Variants in HFM1 observed in about 807,000 individuals in gnomAD.
The protein encoded by HFM1 is probable ATP-dependent DNA helicase HFM1.
Under a neutral mutation model 192.1 loss-of-function variants are expected in HFM1, and 169 were observed. That is an observed-to-expected ratio of 0.88 (90% CI 0.78 to 1.00). The LOEUF (loss-of-function observed/expected upper bound fraction) is 1.00, where lower values mean the gene tolerates loss of function less well. Among genes scored for constraint, HFM1 ranks in the 50% least tolerant of loss-of-function variants. The probability of loss-of-function intolerance (pLI) is 0.00; values close to 1 mark genes in which losing one functional copy is unlikely to be tolerated. For synonymous variants in HFM1, 525 were observed against 537.8 expected (o/e 0.98, Z 0.33); for missense variants, 1,661 against 1,668.0 (o/e 1.00, Z 0.07).
chr1:91,270,368 A>C (rs1666168999), intron 34 of HFM1, among the ~76,000 whole-genome samples: 1 of 150,104 alleles, frequency 6.7e-6, no homozygotes. Context: ...TGAGGTAAGA[A>C]GAAGACAGAG....
intron 30 of HFM1, among the ~76,000 whole-genome samples, chr1:91,293,512 C>G (rs1239976702): frequency 2.0e-5 from 3 of 150,734 alleles, no homozygotes; most frequent in Non-Finnish European, 4.5e-5. Context: ...CCATCTCACA[C>G]CAGTTAGAAT....
chr1:91,261,489 T>C, intron 38 of HFM1, 130 bp from the exon 39 acceptor site: 1 of 424,702 alleles, frequency 2.4e-6, no homozygotes, highest in Non-Finnish European at 4.1e-6. Flanking sequence ...ATGTATCAAA[T>C]AAACTTCAGT....
At chr1:91,351,474 C>A in intron 17 of HFM1, 75 bp downstream of exon 17, 3 of 783,294 alleles carry the variant, frequency 3.8e-6, no homozygotes, top group South Asian at 1.9e-5. Context: ...ACCAAATTTC[C>A]CTTTGATATT....
rs528072377 is a variant in HFM1 at position 91,290,697 on chromosome 1, G to A, written c.3392-13635C>T. ...AATTGAACTCAGCTCTGCACCAACC[G>A]GACCTAATAGACATCTACAGAACTC... On this transcript the variant is annotated intron_variant, in intron 30 of 38. Transcript: ENST00000370425. 8.6e-3 allele frequency among the ~76,000 whole-genome samples: 1,310 copies of A among 152,026 alleles called. 10 individuals are homozygous for A. Among genetic ancestry groups the A allele is most frequent in the Non-Finnish European group, 0.015 (1,012 of 67,976 alleles).
intron 4 of HFM1, among the ~76,000 whole-genome samples, chr1:91,388,046 G>A (rs971094139): frequency 1.3e-5 from 2 of 151,862 alleles, no homozygotes; most frequent in Non-Finnish European, 2.9e-5. Flanking sequence ...AACACATCAA[G>A]GTGCTGACAG....
At position 91,404,786 on chromosome 1, in the gene HFM1, CCCTCT is replaced by C; in HGVS notation, c.-28+7_-28+11del. On this transcript the variant is annotated splice_region_variant and intron_variant, in intron 1 of 38. Transcript: ENST00000370425. ...CCACCTTCCCCGCGGGCGTCCGGGC[CCCTCT>C]CCTCACCTCCCTGCGGACAGCTCCT... The C allele has an allele frequency of 2.2e-6, 1 of 447,152 alleles. No individual in the cohort carries two copies. The highest frequency in any genetic ancestry group is 4.5e-6 in the Non-Finnish European group (1 of 223,038). 27.7% of individuals were successfully genotyped at this position (447,152 alleles called of 1,614,324 possible).
chr1:91,384,193 C>T (rs1661896299), intron 6 of HFM1, among the ~76,000 whole-genome samples: 1 of 152,112 alleles, frequency 6.6e-6, no homozygotes, highest in Non-Finnish European at 1.5e-5. Context: ...GAACAATTTC[C>T]TTACTTTACC....
intron 15 of HFM1, 86 bp downstream of exon 15, chr1:91,352,965 G>T: frequency 1.2e-6 from 1 of 815,468 alleles, no homozygotes; most frequent in Non-Finnish European, 2.0e-6. Context: ...GAAACAAGCA[G>T]AACACTTGCG....
At chr1:91,322,072 G>A (rs1652202062) in intron 23 of HFM1, among the ~76,000 whole-genome samples, 1 of 152,152 alleles carries the variant, frequency 6.6e-6, no homozygotes. Flanking sequence ...AGTTTACTAT[G>A]ATCTCTAAGG....
At chr1:91,406,614 C>T (rs1480890667), upstream of HFM1, among the ~76,000 whole-genome samples, 1 of 152,184 alleles carries the variant, frequency 6.6e-6, no homozygotes, top group Non-Finnish European at 1.5e-5. Flanking sequence ...CTCAAGAAAA[C>T]ATTTTAATCC....
At chr1:91,365,488 T>G (rs990498111) in intron 13 of HFM1, among the ~76,000 whole-genome samples, 4 of 152,120 alleles carry the variant, frequency 2.6e-5, no homozygotes, top group African/African-American at 9.7e-5. Context: ...CATATAAAAT[T>G]TATTTTTTAA....
chr1:91,399,892 A>G (rs1664100469), intron 2 of HFM1, among the ~76,000 whole-genome samples: 1 of 152,198 alleles, frequency 6.6e-6, no homozygotes, highest in Admixed American at 6.5e-5. Context: ...CAAAATTTGC[A>G]TTGGCCAGAC....
intron 30 of HFM1, among the ~76,000 whole-genome samples, chr1:91,293,927 T>C (rs994693992): frequency 1.4e-4 from 21 of 151,474 alleles, no homozygotes; most frequent in Admixed American, 1.1e-3. Context: ...GAAATCATCA[T>C]TCTCAGCAAA....
intron 30 of HFM1, among the ~76,000 whole-genome samples, chr1:91,305,688 C>T (rs1570888061): frequency 6.6e-6 from 1 of 152,030 alleles, no homozygotes; most frequent in Admixed American, 6.6e-5. Context: ...CCATTTCAGC[C>T]TCCAGAGGAG....
At chr1:91,343,230 C>CAAAAAAAA (rs34902756) in intron 20 of HFM1, among the ~76,000 whole-genome samples, 200 bp downstream of exon 20, 4 of 74,868 alleles carry the variant, frequency 5.3e-5, no homozygotes, top group African/African-American at 1.1e-4. Context: ...GACTCTGTCT[C>CAAAAAAAA]AAAAAAAAAA....
chr1:91,262,085 G>A (rs1227618835), intron 38 of HFM1, 156 bp downstream of exon 38: 1 of 421,068 alleles, frequency 2.4e-6, no homozygotes, highest in Non-Finnish European at 4.3e-6. Context: ...ACATCTTAAA[G>A]AGCTTAGCTC....
chr1:91,351,978 T>C (rs1404638761), intron 16 of HFM1, among the ~76,000 whole-genome samples: 1 of 151,994 alleles, frequency 6.6e-6, no homozygotes, highest in African/African-American at 2.4e-5. Flanking sequence ...CTGTACAACA[T>C]AATATTTACA....
In HFM1 at chr1:91,380,038, T is replaced by C. The variant is rs138742338; in HGVS notation, c.1006+66A>G. 19 of 733,976 alleles carry C rather than the reference T, an allele frequency of 2.6e-5. No homozygotes were observed. In the East Asian group the frequency reaches 5.5e-4, roughly 21 times the overall value. The allele number at this position is 733,976 out of a possible 1,614,324, so 45.5% of individuals were successfully genotyped here. On this transcript the variant is annotated intron_variant, in intron 8 of 38. Transcript: ENST00000370425. ...CCTGAGGCCAGAAACTGAATTTATTTCTTCATTTTGCTTCAATGGTTTTTC... is the reference window on the plus strand; with the variant it reads ...CCTGAGGCCAGAAACTGAATTTATTCCTTCATTTTGCTTCAATGGTTTTTC...
intron 13 of HFM1, among the ~76,000 whole-genome samples, chr1:91,373,168 AAAG>A (rs1484296149): frequency 2.2e-4 from 33 of 151,082 alleles, no homozygotes; most frequent in African/African-American, 8.0e-4. Context: ...CAAAGAATGT[AAAG>A]AAGACTAAAT....
Sources: gnomAD v4.1 joint callset for allele counts (sites outside exome capture counted in the v4.1 genomes callset) on GRCh38, gnomAD v4.1.1 for gene constraint, MANE v1.5 for transcripts, NCBI Gene and HGNC (gene_info 2026-07-23, HGNC 2026-07-21) for gene names.